TANC1: variants seen among roughly 807,000 people sequenced by gnomAD.
TANC1 encodes tetratricopeptide repeat, ankyrin repeat and coiled-coil containing 1.
In TANC1, 77 loss-of-function variants were observed where a neutral mutation model predicts 149.7. The observed-to-expected ratio is 0.51, with a 90% CI of 0.43 to 0.62. TANC1 has a LOEUF of 0.62. Ranked by LOEUF, TANC1 falls within the 20% of genes least tolerant of loss-of-function variation. The pLI is 0.00. For synonymous variants in TANC1, 854 were observed against 925.0 expected, an observed-to-expected ratio of 0.92 and a Z score of 1.39; for missense variants, 1,985 against 2,321.8, an observed-to-expected ratio of 0.85 and a Z score of 2.98.
chr2:159,053,194 A>G (rs1313863616), intron 2 of TANC1, among the ~76,000 whole-genome samples: 1 of 149,986 alleles, frequency 6.7e-6, no homozygotes, highest in African/African-American at 2.5e-5. Context: ...TGTGACTTTT[A>G]TCATCTGGAG....
At chr2:159,082,715 A>C (rs542745038) in intron 3 of TANC1, among the ~76,000 whole-genome samples, 3 of 152,336 alleles carry the variant, frequency 2.0e-5, no homozygotes, top group African/African-American at 7.2e-5. Flanking sequence ...GGGCAGGGAT[A>C]TGAGGCCTGA....
chr2:159,121,775 G>C (rs1276889438), intron 4 of TANC1, among the ~76,000 whole-genome samples: 1 of 152,220 alleles, frequency 6.6e-6, no homozygotes, highest in African/African-American at 2.4e-5. Context: ...GCACTGCCAA[G>C]TTTTCTGCAA....
chr2:159,028,499 AATCTGAATCC>A (rs1369522960), intron 2 of TANC1, among the ~76,000 whole-genome samples: 1 of 152,214 alleles, frequency 6.6e-6, no homozygotes, highest in Non-Finnish European at 1.5e-5. Context: ...AAGCTAATGT[AATCTGAATCC>A]TTGAGTTTGT....
At chr2:159,081,207 A>G (rs1443824685) in intron 3 of TANC1, among the ~76,000 whole-genome samples, 2 of 152,226 alleles carry the variant, frequency 1.3e-5, no homozygotes, top group Admixed American at 6.5e-5. Flanking sequence ...AAAATTGGCT[A>G]TCTTTATAGT....
chr2:159,005,515 G>T, intron 2 of TANC1, among the ~76,000 whole-genome samples: 1 of 152,182 alleles, frequency 6.6e-6, no homozygotes, highest in Non-Finnish European at 1.5e-5. Flanking sequence ...CTGAGCCCAG[G>T]AGGCGGAGAT....
chr2:159,094,918 G>A (rs906228268), intron 3 of TANC1, among the ~76,000 whole-genome samples: 3 of 151,882 alleles, frequency 2.0e-5, no homozygotes, highest in African/African-American at 4.8e-5. Flanking sequence ...TTTTTGTAAC[G>A]CCAGTGAGAG....
In TANC1 at chr2:159,169,377, T is replaced by C; in HGVS notation, c.1069+5T>C. 1 of 1,613,400 alleles carries C rather than the reference T, an allele frequency of 6.2e-7. No homozygotes were observed. Among genetic ancestry groups the C allele is most frequent in the South Asian group, 1.1e-5 (1 of 90,802 alleles). On this transcript the variant is annotated splice_donor_5th_base_variant and intron_variant, in intron 9 of 26. Coordinates refer to ENST00000263635, the MANE Select transcript of TANC1 (RefSeq NM_033394.3). ...GTAGGGCACAGGAAGTTAAAGGTAT[T>C]TATCCTGGCATCAGCTGCGATAATG...
intron 4 of TANC1, among the ~76,000 whole-genome samples, chr2:159,124,429 G>A (rs1340970933): frequency 2.6e-5 from 4 of 152,172 alleles, no homozygotes; most frequent in African/African-American, 4.8e-5. Context: ...TAATAAGTTC[G>A]CAGGTGATGC....
chr2:158,993,345 A>G (rs1459437791), intron 1 of TANC1, among the ~76,000 whole-genome samples: 1 of 152,062 alleles, frequency 6.6e-6, no homozygotes, highest in Non-Finnish European at 1.5e-5. Context: ...TGAGCCTCCT[A>G]GGCTCAAGCG....
intron 7 of TANC1, among the ~76,000 whole-genome samples, chr2:159,157,641 T>C (rs1341071537): frequency 6.6e-6 from 1 of 152,246 alleles, no homozygotes; most frequent in East Asian, 1.9e-4. Context: ...GCAGTCTCGC[T>C]ACAGTAGTGG....
intron 3 of TANC1, among the ~76,000 whole-genome samples, chr2:159,093,732 AC>A (rs1034457326): frequency 1.3e-5 from 2 of 150,062 alleles, no homozygotes; most frequent in East Asian, 2.0e-4. Context: ...TGAAATGGAA[AC>A]CCCCCTCCCC....
At position 159,169,991 on chromosome 2, in the gene TANC1, CA is replaced by C. The variant is rs558720895; in HGVS notation, c.1070-518del. Among the ~76,000 whole-genome samples, 778 of 116,110 alleles carry C rather than the reference CA, an allele frequency of 6.7e-3. 6 individuals carry two copies. The highest frequency in any genetic ancestry group is 0.018 in the African/African-American group (574 of 31,226). 76.2% of individuals were successfully genotyped at this position (116,110 alleles called of 152,430 possible). A position where few individuals can be genotyped will look rare whatever the true frequency, so the allele number is the denominator to read the frequency against. On this transcript the variant is annotated intron_variant, in intron 9 of 26. Coordinates refer to ENST00000263635, the MANE Select transcript of TANC1 (RefSeq NM_033394.3). The stretch of plus-strand genomic sequence containing the variant: ...CTGGGCAACAAGAGTGAAACTATCT[CA>C]AAAAAAAAAAAAAACACTTGGACTG...
At chr2:159,131,707 G>A (rs554398661) in intron 4 of TANC1, among the ~76,000 whole-genome samples, 2 of 152,258 alleles carry the variant, frequency 1.3e-5, no homozygotes, top group African/African-American at 2.4e-5. Context: ...AGGCAAACAC[G>A]TATCATCTGC....
Position 159,229,943 on chromosome 2 carries a change from G to A in TANC1, c.4517G>A (p.Ser1506Asn), listed in dbSNP as rs1263328604. ...QSKGRPVSPQ[S>N]RAGIGKSLRE... ...AAAGGAAGGCCGGTATCGCCACAGAGCAGGGCAGGAATCGGCAAGTCCCTG... is the reference window on the plus strand; with the variant it reads ...AAAGGAAGGCCGGTATCGCCACAGAACAGGGCAGGAATCGGCAAGTCCCTG... Residue 1506 changes from serine to asparagine, a missense_variant, in exon 27 of 27, where the codon AGC becomes AAC. Coordinates refer to ENST00000263635, the MANE Select transcript of TANC1 (RefSeq NM_033394.3). 3.1e-6 allele frequency: 5 copies of A among 1,614,104 alleles called. No individual in the cohort carries two copies. Among genetic ancestry groups the A allele is most frequent in the Non-Finnish European group, 4.2e-6 (5 of 1,180,050 alleles).
At chr2:158,995,328 G>A (rs1447344620) in intron 1 of TANC1, among the ~76,000 whole-genome samples, 1 of 152,196 alleles carries the variant, frequency 6.6e-6, no homozygotes, top group African/African-American at 2.4e-5. Flanking sequence ...TGTAATGGAT[G>A]GTTACCATGT....
chr2:159,146,592 G>C (rs2052126855), intron 5 of TANC1, among the ~76,000 whole-genome samples: 1 of 141,672 alleles, frequency 7.1e-6, no homozygotes. Flanking sequence ...CAAGGCTGGA[G>C]TGCAGTGGCA....
chr2:159,015,491 G>T (rs113774220), intron 2 of TANC1, among the ~76,000 whole-genome samples: 1 of 152,178 alleles, frequency 6.6e-6, no homozygotes. Flanking sequence ...CATTGTCTTG[G>T]GGATTAACAT....
intron 16 of TANC1, among the ~76,000 whole-genome samples, chr2:159,193,023 A>G (rs1490908116): frequency 6.6e-6 from 1 of 152,258 alleles, no homozygotes; most frequent in East Asian, 1.9e-4. Context: ...ACCATTTTTA[A>G]GTCTGCAATT....
intron 3 of TANC1, among the ~76,000 whole-genome samples, chr2:159,072,945 A>G (rs2043288987): frequency 6.6e-6 from 1 of 152,140 alleles, no homozygotes; most frequent in Admixed American, 6.5e-5. Flanking sequence ...CTATAACAAA[A>G]CTGGGGAAGC....
Sources: allele counts gnomAD v4.1 joint callset (sites outside exome capture counted in the v4.1 genomes callset), GRCh38; gene constraint gnomAD v4.1.1; transcripts MANE v1.5; gene names NCBI Gene and HGNC (gene_info 2026-07-23, HGNC 2026-07-21).